The following EYS variants were observed in gnomAD, a reference collection of about 807,000 sequenced individuals.
EYS encodes the protein EGF-like photoreceptor maintenance factor, also known as protein eyes shut homolog.
Under a neutral mutation model 282.1 loss-of-function variants are expected in EYS, and 250 were observed. The ratio of observed to expected loss-of-function variants is 0.89; its 90% CI spans 0.80 to 0.98. The LOEUF is 0.98. EYS is among the 50% of genes least tolerant of loss of function. EYS has a pLI of 0.00. For synonymous variants in EYS, 1,355 were observed against 1,282.9 expected (o/e 1.06, Z -1.20); for missense variants, 4,016 against 3,709.0 (o/e 1.08, Z -2.15).
At chr6:65,562,508 A>G (rs1481430886) in intron 2 of EYS, among the ~76,000 whole-genome samples, 1 of 152,092 alleles carries the variant, frequency 6.6e-6, no homozygotes, top group Non-Finnish European at 1.5e-5. Flanking sequence ...CTGAAATATT[A>G]GAAATCTTCC....
At chr6:64,082,977 C>T (rs542529750) in intron 31 of EYS, among the ~76,000 whole-genome samples, 15 of 151,134 alleles carry the variant, frequency 9.9e-5, no homozygotes, top group African/African-American at 3.6e-4. Context: ...GGAGCAATCT[C>T]GGCTCACTTC....
rs538998139 is a variant in EYS, at chr6:65,192,347, T to C, written c.2023+103516A>G. Reference sequence around the variant, plus strand: ...TGTGTGTATAATGTGTGGTATTCTCTTAAAATTTGCCTTTCTATACAAGTT... The same window carrying C: ...TGTGTGTATAATGTGTGGTATTCTCCTAAAATTTGCCTTTCTATACAAGTT... On this transcript the variant is annotated intron_variant, in intron 12 of 42. Transcript: ENST00000503581. Among the ~76,000 whole-genome samples, 5 of 140,634 alleles carry C rather than the reference T, an allele frequency of 3.6e-5. No individual in the cohort carries two copies. In the East Asian group the frequency reaches 1.0e-3, roughly 30 times the overall value. 92.3% of individuals were successfully genotyped at this position (140,634 alleles called of 152,430 possible). A position where few individuals can be genotyped will look rare whatever the true frequency, so the allele number is the denominator to read the frequency against.
At chr6:64,763,354 G>A (rs538142087) in intron 22 of EYS, among the ~76,000 whole-genome samples, 2 of 152,248 alleles carry the variant, frequency 1.3e-5, no homozygotes, top group South Asian at 2.1e-4. Context: ...AGGGCAAAAG[G>A]GAAGCAAGCT....
At position 65,327,745 on chromosome 6, in the gene EYS, T is replaced by C. The variant is rs1157300501; in HGVS notation, c.1766+7235A>G. On this transcript the variant is annotated intron_variant, in intron 11 of 42. Transcript: ENST00000503581. ...AAGACCACTATTTCTATACAAAAAA[T>C]ACTAAGGAATGACTGAACTAGAAGA... Among the ~76,000 whole-genome samples, 5 of 151,490 alleles carry C rather than the reference T, an allele frequency of 3.3e-5. No individual in the cohort carries two copies. The East Asian group carries it at 9.7e-4, about 29-fold the overall frequency.
chr6:63,805,765 G>A (rs1393179734), intron 37 of EYS, among the ~76,000 whole-genome samples: 1 of 152,116 alleles, frequency 6.6e-6, no homozygotes, highest in Non-Finnish European at 1.5e-5. Flanking sequence ...GAGATCTGAT[G>A]GTTTTATAAG....
chr6:65,392,102 G>A (rs1766061838), intron 7 of EYS, among the ~76,000 whole-genome samples: 1 of 152,124 alleles, frequency 6.6e-6, no homozygotes, highest in East Asian at 1.9e-4. Flanking sequence ...TGGTGCTGGG[G>A]AAACTGGCTA....
chr6:64,306,686 ACT>A (rs1302013614), intron 30 of EYS, among the ~76,000 whole-genome samples: 5 of 151,902 alleles, frequency 3.3e-5, no homozygotes, highest in Non-Finnish European at 4.4e-5. Context: ...TTTTAAACTA[ACT>A]CTGATAGAAG....
chr6:65,126,335 G>A (rs966784014), intron 12 of EYS, among the ~76,000 whole-genome samples: 1 of 152,080 alleles, frequency 6.6e-6, no homozygotes, highest in African/African-American at 2.4e-5. Context: ...TAAAACTTGA[G>A]AAATATCAGC....
intron 12 of EYS, among the ~76,000 whole-genome samples, chr6:65,131,673 G>A (rs1380834086): frequency 6.6e-6 from 1 of 151,760 alleles, no homozygotes; most frequent in Non-Finnish European, 1.5e-5. Context: ...AATTAGAGAA[G>A]CAAGAGCAAA....
chr6:64,772,874 C>T (rs1227071721), intron 22 of EYS, among the ~76,000 whole-genome samples: 3 of 151,640 alleles, frequency 2.0e-5, no homozygotes, highest in African/African-American at 4.8e-5. Context: ...AGGATACCTG[C>T]GTCCTAACTA....
chr6:64,113,329 C>A (rs1006660429), intron 31 of EYS, among the ~76,000 whole-genome samples: 4 of 152,102 alleles, frequency 2.6e-5, no homozygotes, highest in Admixed American at 2.6e-4. Context: ...GCGTTTGAAT[C>A]TCAGATCTGT....
chr6:65,143,932 T>G (rs1345989541), intron 12 of EYS, among the ~76,000 whole-genome samples: 1 of 152,118 alleles, frequency 6.6e-6, no homozygotes, highest in Non-Finnish European at 1.5e-5. Flanking sequence ...CTTCCTTTTT[T>G]TTCCTATTAT....
Position 64,610,879 on chromosome 6 carries a change from C to T in EYS, c.3684+6539G>A, listed in dbSNP as rs150356808. On this transcript the variant is annotated intron_variant, in intron 24 of 42. Coordinates refer to ENST00000503581, the MANE Select transcript of EYS (RefSeq NM_001142800.2). ...ATATTTATGTCTTTATTCTAGTTTG[C>T]ACCATCTCCTCCCCCAAAACCCTCA... 5.8e-3 allele frequency among the ~76,000 whole-genome samples: 881 copies of T among 152,202 alleles called. 6 individuals are homozygous for T. Among genetic ancestry groups the T allele is most frequent in the South Asian group, 0.021 (101 of 4,820 alleles).
intron 31 of EYS, among the ~76,000 whole-genome samples, chr6:64,094,841 A>C (rs919985833): frequency 1.3e-5 from 2 of 151,938 alleles, no homozygotes; most frequent in South Asian, 4.2e-4. Context: ...TGTAATTGTG[A>C]TGTTAGGGTG....
chr6:65,055,870 T>C (rs1044602543), intron 13 of EYS, among the ~76,000 whole-genome samples: 1 of 152,032 alleles, frequency 6.6e-6, no homozygotes, highest in Non-Finnish European at 1.5e-5. Context: ...CAGGTAGCAA[T>C]TGTCAGACTT....
At chr6:64,482,416 G>T (rs1166791797) in intron 26 of EYS, among the ~76,000 whole-genome samples, 1 of 151,640 alleles carries the variant, frequency 6.6e-6, no homozygotes, top group Non-Finnish European at 1.5e-5. Flanking sequence ...AAGTTAGCCA[G>T]GGATTTAACT....
intron 29 of EYS, among the ~76,000 whole-genome samples, chr6:64,338,264 T>C (rs905144122): frequency 6.6e-6 from 1 of 151,936 alleles, no homozygotes; most frequent in African/African-American, 2.4e-5. Context: ...CTAGAACTGA[T>C]GAAGAATTCA....
intron 26 of EYS, among the ~76,000 whole-genome samples, chr6:64,586,025 C>G (rs1766223738): frequency 6.6e-6 from 1 of 151,976 alleles, no homozygotes; most frequent in Admixed American, 6.6e-5. Flanking sequence ...CTTTTTGTTG[C>G]TTAATGCTAT....
At chr6:65,602,718 T>G (rs1397165736) in intron 2 of EYS, among the ~76,000 whole-genome samples, 1 of 151,944 alleles carries the variant, frequency 6.6e-6, no homozygotes, top group Non-Finnish European at 1.5e-5. Context: ...TTCACACAAG[T>G]CAACAGGGGA....
Sources: gnomAD v4.1 joint callset for allele counts (sites outside exome capture counted in the v4.1 genomes callset) on GRCh38, gnomAD v4.1.1 for gene constraint, MANE v1.5 for transcripts, NCBI Gene and HGNC (gene_info 2026-07-23, HGNC 2026-07-21) for gene names.